CA10: variants seen among roughly 807,000 people sequenced by gnomAD.
CA10 encodes carbonic anhydrase-related protein 10.
In CA10, 14 loss-of-function variants were observed where a neutral mutation model predicts 44.2. That is an observed-to-expected ratio of 0.32 (90% CI 0.21 to 0.50). The LOEUF is 0.50. Among genes scored for constraint, CA10 ranks in the 20% least tolerant of loss-of-function variants. The pLI, the probability that CA10 is intolerant of heterozygous loss-of-function variation, is 0.99. For missense variants in CA10, 350 were observed against 409.7 expected (o/e 0.85, Z 1.26); for synonymous variants, 159 against 141.6 (o/e 1.12, Z -0.87).
intron 2 of CA10, among the ~76,000 whole-genome samples, chr17:52,014,270 C>A (rs568585235): frequency 6.6e-6 from 1 of 151,786 alleles, no homozygotes; most frequent in Non-Finnish European, 1.5e-5. Flanking sequence ...AGGACCCATA[C>A]AAGTATAAGT....
chr17:52,072,575 T>C (rs1361084952), intron 1 of CA10, among the ~76,000 whole-genome samples, 182 bp from the exon 2 acceptor site: 2 of 150,740 alleles, frequency 1.3e-5, no homozygotes, highest in Non-Finnish European at 2.9e-5. Context: ...TCGGTAAATA[T>C]AAAAACATTT....
chr17:51,763,159 C>T (rs1196879460), intron 3 of CA10: 1 of 152,218 alleles, frequency 6.6e-6, no homozygotes, highest in Non-Finnish European at 1.5e-5. Context: ...TAATCAATAT[C>T]TCAGAAATAT....
chr17:51,862,799 G>C (rs1158546011), intron 3 of CA10, among the ~76,000 whole-genome samples: 1 of 151,676 alleles, frequency 6.6e-6, no homozygotes, highest in Admixed American at 6.6e-5. Flanking sequence ...GGGCGGGGAC[G>C]GGGGAAGTTG....
chr17:51,807,290 T>C (rs1907173362), intron 3 of CA10, among the ~76,000 whole-genome samples: 1 of 152,230 alleles, frequency 6.6e-6, no homozygotes, highest in Non-Finnish European at 1.5e-5. Flanking sequence ...ATAATGAAAC[T>C]GAGGCCCACA....
At chr17:51,887,600 G>T (rs530728400) in intron 3 of CA10, among the ~76,000 whole-genome samples, 150 of 152,268 alleles carry the variant, frequency 9.9e-4, no homozygotes, top group Non-Finnish European at 1.9e-3. Flanking sequence ...CTCAGCCTCA[G>T]TTTCCACATC....
chr17:51,705,211 C>T (rs1298294082), intron 4 of CA10, among the ~76,000 whole-genome samples: 8 of 152,162 alleles, frequency 5.3e-5, no homozygotes, highest in Non-Finnish European at 1.2e-4. Flanking sequence ...TGTACCTTTC[C>T]CCATCTTCTA....
At chr17:51,991,176 G>T (rs924130721) in intron 2 of CA10, among the ~76,000 whole-genome samples, 9 of 152,094 alleles carry the variant, frequency 5.9e-5, no homozygotes, top group African/African-American at 2.2e-4. Context: ...GGAAAATGTA[G>T]TGCAGAGTCC....
At chr17:51,705,464 G>A (rs567051218) in intron 4 of CA10, among the ~76,000 whole-genome samples, 1 of 152,200 alleles carries the variant, frequency 6.6e-6, no homozygotes, top group South Asian at 2.1e-4. Flanking sequence ...GCTCACTACT[G>A]CACTCCCTAA....
intron 2 of CA10, among the ~76,000 whole-genome samples, chr17:51,981,988 G>A (rs1245842293): frequency 6.6e-6 from 1 of 152,014 alleles, no homozygotes; most frequent in African/African-American, 2.4e-5. Context: ...GTATTAAGAA[G>A]TTAAGGCACA....
intron 2 of CA10, among the ~76,000 whole-genome samples, chr17:52,044,971 A>G (rs1986871565): frequency 6.6e-6 from 1 of 151,880 alleles, no homozygotes; most frequent in African/African-American, 2.4e-5. Flanking sequence ...AAGAAGCTCA[A>G]TGAACCATAA....
chr17:51,769,242 T>G (rs1479764714), intron 3 of CA10, among the ~76,000 whole-genome samples: 2 of 151,698 alleles, frequency 1.3e-5, no homozygotes, highest in African/African-American at 4.8e-5. Flanking sequence ...GAAGGTGGAG[T>G]TTTTGCCACT....
At chr17:51,816,572 C>T (rs796900364) in intron 3 of CA10, among the ~76,000 whole-genome samples, 10 of 152,080 alleles carry the variant, frequency 6.6e-5, no homozygotes, top group African/African-American at 1.9e-4. Context: ...AATGTAAGCA[C>T]CAACTATTGT....
intron 3 of CA10, among the ~76,000 whole-genome samples, chr17:51,839,645 G>C (rs137947330): frequency 6.6e-6 from 1 of 151,774 alleles, no homozygotes; most frequent in Admixed American, 6.6e-5. Context: ...CTGATAACTA[G>C]ACATATAAAG....
intron 4 of CA10, among the ~76,000 whole-genome samples, chr17:51,723,247 G>A (rs1916408077): frequency 6.6e-6 from 1 of 152,182 alleles, no homozygotes; most frequent in South Asian, 2.1e-4. Context: ...ACATGTAGTT[G>A]GTGGGAGAAC....
intron 2 of CA10, among the ~76,000 whole-genome samples, chr17:52,049,704 C>T (rs1374184093): frequency 2.6e-5 from 4 of 152,022 alleles, no homozygotes; most frequent in Non-Finnish European, 5.9e-5. Context: ...TGTATGTCCC[C>T]TCAGACTTCT....
intron 3 of CA10, among the ~76,000 whole-genome samples, chr17:51,760,312 G>A (rs1905184109): frequency 6.6e-6 from 1 of 152,210 alleles, no homozygotes; most frequent in Non-Finnish European, 1.5e-5. Context: ...AGTTAAGTAT[G>A]TAACATTTAT....
At chr17:52,003,531 A>T (rs917836764) in intron 2 of CA10, among the ~76,000 whole-genome samples, 2 of 152,008 alleles carry the variant, frequency 1.3e-5, no homozygotes, top group Non-Finnish European at 2.9e-5. Context: ...AAGAATGAGT[A>T]GATGAAAGCT....
chr17:51,757,920 G>A (rs945942288), intron 3 of CA10, among the ~76,000 whole-genome samples: 7 of 151,962 alleles, frequency 4.6e-5, no homozygotes, highest in East Asian at 1.9e-4. Context: ...TTTGGAGCTC[G>A]TAGGCTGGGG....
Position 52,158,092 on chromosome 17 carries a change from C to T in CA10, c.-306G>A, listed in dbSNP as rs1349156312. The T allele has an allele frequency of 1.1e-4, 54 of 508,064 alleles. No homozygotes were observed. The Admixed American group carries it at 1.8e-3, about 17-fold the overall frequency. The allele number at this position is 508,064 out of a possible 1,614,324, so 31.5% of individuals were successfully genotyped here. A position where few individuals can be genotyped will look rare whatever the true frequency, so the allele number is the denominator to read the frequency against. On this transcript the variant is annotated 5_prime_UTR_variant, in exon 1 of 9. Coordinates refer to ENST00000451037, the MANE Select transcript of CA10 (RefSeq NM_020178.5). ...TTCTCTTCGCACCAGCGGCGGAAAC[C>T]GCACTAGCAGCGGCGGCGGCGGCGG...
Sources: gnomAD v4.1 joint callset for allele counts (sites outside exome capture counted in the v4.1 genomes callset) on GRCh38, gnomAD v4.1.1 for gene constraint, MANE v1.5 for transcripts, NCBI Gene and HGNC (gene_info 2026-07-23, HGNC 2026-07-21) for gene names.